Variants in CWC22 observed in about 807,000 individuals in gnomAD.
CWC22 encodes the protein CWC22 spliceosome associated protein.
In CWC22, 53 loss-of-function variants were observed where a neutral mutation model predicts 117.2. The ratio of observed to expected loss-of-function variants is 0.45; its 90% confidence interval spans 0.36 to 0.57. The LOEUF (loss-of-function observed/expected upper bound fraction) is 0.57, where lower values mean the gene tolerates loss of function less well. CWC22 is among the 20% of genes least tolerant of loss of function. The pLI is 0.00. For synonymous variants in CWC22, 360 were observed against 355.6 expected, an observed-to-expected ratio of 1.01 and a Z score of -0.14; for missense variants, 980 against 1,068.8, an observed-to-expected ratio of 0.92 and a Z score of 1.16.
At chr2:179,977,240 A>G (rs1158590891) in intron 6 of CWC22, among the ~76,000 whole-genome samples, 3 of 152,236 alleles carry the variant, frequency 2.0e-5, no homozygotes, top group Non-Finnish European at 4.4e-5. Flanking sequence ...ATATACAAAG[A>G]AAATGAGATC....
chr2:179,992,686 T>C (rs1687597400), intron 2 of CWC22, among the ~76,000 whole-genome samples: 1 of 152,248 alleles, frequency 6.6e-6, no homozygotes, highest in Non-Finnish European at 1.5e-5. Flanking sequence ...TTTGTTTTAT[T>C]CACTATTTTG....
At chr2:179,947,089 T>C (rs1382607359) in intron 19 of CWC22, among the ~76,000 whole-genome samples, 1 of 152,188 alleles carries the variant, frequency 6.6e-6, no homozygotes, top group African/African-American at 2.4e-5. Flanking sequence ...GATGCTAAGA[T>C]AACAAAAATT....
intron 1 of CWC22, among the ~76,000 whole-genome samples, chr2:179,994,083 G>A (rs1370071326): frequency 1.3e-5 from 2 of 152,154 alleles, no homozygotes; most frequent in African/African-American, 4.8e-5. Flanking sequence ...ATCTTCAGAT[G>A]TGTTTTAATA....
chr2:179,946,858 CCAA>C (rs934555749), intron 19 of CWC22, among the ~76,000 whole-genome samples: 2 of 152,148 alleles, frequency 1.3e-5, no homozygotes, highest in Non-Finnish European at 2.9e-5. Context: ...ACTAACTGCA[CCAA>C]CAAGAGCAGA....
chr2:179,950,921 A>G lies in CWC22; in HGVS notation c.1823T>C (p.Leu608Pro). The change falls in exon 18 of 20, where the codon CTG becomes CCG. Residue 608 changes from leucine to proline, a missense_variant. Around this residue, in one of 3 missense-constraint regions of CWC22, gnomAD observed 115 missense variants for 169.8 expected, o/e 0.68. Transcript: ENST00000410053. ...TAATAATCCTTCAAAGAATGGCTGC[A>G]GAGTTCTAAAAAGGAAAAAAATAAA... Reference protein sequence around the residue: ...KLNARLKDETLQPFFEGLLPR... With the variant: ...KLNARLKDETPQPFFEGLLPR... 6.4e-7 allele frequency: 1 copy of G among 1,557,974 alleles called. No individual in the cohort carries two copies.
Position 179,997,739 on chromosome 2 carries a change from G to A in CWC22, c.-113-4285C>T, listed in dbSNP as rs1687744382. Among the ~76,000 whole-genome samples the A allele has an allele frequency of 2.0e-5, 3 of 152,068 alleles. No homozygotes were observed. In the South Asian group the frequency reaches 6.2e-4, roughly 31 times the overall value. ...ATACAGCACTTCTGTTATTTGCCCA[G>A]CATCTTTCTAGGCACTGGATAGGCA... On this transcript the variant is annotated intron_variant, in intron 1 of 19. Transcript: ENST00000410053.
intron 15 of CWC22, 39 bp downstream of exon 15, chr2:179,954,918 T>A (rs374720550): frequency 8.8e-7 from 1 of 1,139,336 alleles, no homozygotes; most frequent in African/African-American, 1.5e-5. Context: ...ATTTACAATA[T>A]TCGTTTTAAG....
In CWC22 at chr2:179,973,678, T is replaced by C; in HGVS notation, c.706A>G (p.Arg236Gly). 3 of 1,609,192 alleles carry C rather than the reference T, an allele frequency of 1.9e-6. No homozygotes were observed. The highest frequency in any genetic ancestry group is 2.6e-6 in the Non-Finnish European group (3 of 1,176,370). ...FPQIGELILKRLILNFRKGYR... is the reference protein window; with the variant it reads ...FPQIGELILKGLILNFRKGYR... ...CCTTTTCGAAAATTAAGAATTAACCTTTTGAGGATTAATTCTCCAATTTGT... is the reference window on the plus strand; with the variant it reads ...CCTTTTCGAAAATTAAGAATTAACCCTTTGAGGATTAATTCTCCAATTTGT... The change falls in exon 7 of 20, where the codon AGG (arginine) becomes GGG (glycine). Residue 236 changes from arginine to glycine, a missense_variant. Transcript: ENST00000410053.
chr2:179,955,972 A>G (rs1410447974), intron 14 of CWC22, among the ~76,000 whole-genome samples: 1 of 152,160 alleles, frequency 6.6e-6, no homozygotes. Context: ...AACTTAAAAC[A>G]ATTTTCCAAA....
chr2:179,971,161 T>C (rs1419955846), intron 8 of CWC22, 85 bp from the exon 9 acceptor site: 8 of 980,726 alleles, frequency 8.2e-6, no homozygotes, highest in Non-Finnish European at 1.1e-5. Context: ...AATTAGTAAA[T>C]CTGTTTACAA....
In CWC22 at chr2:180,006,593, C is replaced by T. The variant is rs113213964; in HGVS notation, c.-114+274G>A. The stretch of plus-strand genomic sequence containing the variant: ...AACAAATAGTCAAAGGGATATAATG[C>T]CGGCAAGAGGCATAAGAGTGCAAGT... On this transcript the variant is annotated intron_variant, in intron 1 of 19. Transcript: ENST00000410053. Among the ~76,000 whole-genome samples, 528 of 152,246 alleles carry T rather than the reference C, an allele frequency of 3.5e-3. 1 individual carries two copies. Among genetic ancestry groups the T allele is most frequent in the Non-Finnish European group, 5.0e-3 (342 of 68,028 alleles).
intron 1 of CWC22, among the ~76,000 whole-genome samples, chr2:180,004,907 G>A (rs867554961): frequency 2.0e-5 from 3 of 152,048 alleles, no homozygotes; most frequent in African/African-American, 7.2e-5. Context: ...GGAGCAAGGA[G>A]GGCAGCAAAC....
intron 14 of CWC22, 69 bp downstream of exon 14, chr2:179,958,953 C>G: frequency 1.2e-6 from 1 of 863,284 alleles, no homozygotes; most frequent in Non-Finnish European, 1.9e-6. Context: ...ACAAAACTTA[C>G]CCATTAACAG....
chr2:179,975,623 A>G (rs974059602), intron 6 of CWC22, among the ~76,000 whole-genome samples: 3 of 152,208 alleles, frequency 2.0e-5, no homozygotes, highest in Non-Finnish European at 4.4e-5. Flanking sequence ...TAGTGCTTCC[A>G]TATGCTTACA....
At chr2:179,951,576 A>T (rs997665923) in intron 17 of CWC22, among the ~76,000 whole-genome samples, 1 of 152,142 alleles carries the variant, frequency 6.6e-6, no homozygotes, top group Non-Finnish European at 1.5e-5. Flanking sequence ...AGATAGATCA[A>T]TAAGACAGGA....
Position 179,956,288 on chromosome 2 carries a change from C to T in CWC22, c.1459-1254G>A, listed in dbSNP as rs558270337. Among the ~76,000 whole-genome samples, 8 of 151,626 alleles carry T rather than the reference C, an allele frequency of 5.3e-5. No individual in the cohort carries two copies. The South Asian group carries it at 8.3e-4, about 16-fold the overall frequency. The stretch of plus-strand genomic sequence containing the variant: ...GAATTATGCTGTTCAACATGGTAGC[C>T]GCTAGCCATTATGGCTAGTGGCTAT... On this transcript the variant is annotated intron_variant, in intron 14 of 19. Transcript: ENST00000410053.
At position 180,007,243 on chromosome 2, in the gene CWC22, T is replaced by C. The variant is rs923892511; in HGVS notation, c.-490A>G. The C allele has an allele frequency of 6.6e-6, 1 of 152,362 alleles. No individual in the cohort carries two copies. The highest frequency in any genetic ancestry group is 1.9e-4 in the East Asian group (1 of 5,184). The allele number at this position is 152,362 out of a possible 1,614,324, so 9.4% of individuals were successfully genotyped here. ...CCATATCATAATACCAGAGTCAAAG[T>C]AGTCGATCCAGGCACACTGTCTTGT... On this transcript the variant is annotated 5_prime_UTR_variant, in exon 1 of 20. Coordinates refer to ENST00000410053, the MANE Select transcript of CWC22 (RefSeq NM_020943.3).
chr2:179,999,147 A>G (rs1373515722), intron 1 of CWC22, among the ~76,000 whole-genome samples: 1 of 152,182 alleles, frequency 6.6e-6, no homozygotes, highest in South Asian at 2.1e-4. Context: ...AAAAATGAAT[A>G]AAGTATTGTC....
chr2:179,971,066 A>G lies in CWC22; in HGVS notation c.815T>C (p.Val272Ala). 6.4e-7 allele frequency: 1 copy of G among 1,568,424 alleles called. No individual in the cohort carries two copies. Among genetic ancestry groups the G allele is most frequent in the Non-Finnish European group, 8.6e-7 (1 of 1,156,418 alleles). Residue 272 changes from valine (V) to alanine (A), a missense_variant, in exon 9 of 20, where the codon GTA becomes GCA. Physicochemically the swap from Val to Ala is moderately conservative, Grantham distance 64. This residue lies in a region of CWC22 where 559 missense variants were observed against 602.3 expected (regional missense o/e 0.93). Coordinates refer to ENST00000410053, the MANE Select transcript of CWC22 (RefSeq NM_020943.3). ...CAAAGTGAGCATCTCTAAGCATAAT[A>G]CTTCGTGTGCCTTAAATAAAATACA... ...HLINQNVAHE[V>A]LCLEMLTLLL... is the part of the protein sequence containing the mutation.
Sources: allele counts gnomAD v4.1 joint callset (sites outside exome capture counted in the v4.1 genomes callset), GRCh38; gene constraint gnomAD v4.1.1; regional missense constraint gnomAD v4.1.1; transcripts MANE v1.5; gene names NCBI Gene and HGNC (gene_info 2026-07-23, HGNC 2026-07-21).